The following PRDM11 variants were observed in gnomAD, a reference collection of about 807,000 sequenced individuals.
PRDM11 encodes the protein PR/SET domain 11, also known as PR domain-containing protein 11.
Under a neutral mutation model 97.8 loss-of-function variants are expected in PRDM11, and 20 were observed. The observed-to-expected ratio is 0.20, with a 90% confidence interval of 0.14 to 0.30. PRDM11 has a LOEUF of 0.30. Among genes scored for constraint, PRDM11 ranks in the 10% least tolerant of loss-of-function variants. The pLI, the probability that PRDM11 is intolerant of heterozygous loss-of-function variation, is 1.00. For synonymous variants in PRDM11, 599 were observed against 637.7 expected, an observed-to-expected ratio of 0.94 and a Z score of 0.91; for missense variants, 1,139 against 1,555.2, an observed-to-expected ratio of 0.73 and a Z score of 4.50.
intron 1 of PRDM11, chr11:45,147,287 C>CGGACG (rs1554967043): frequency 6.7e-6 from 1 of 149,436 alleles, no homozygotes; most frequent in African/African-American, 2.5e-5. Flanking sequence ...CGCGGTGACA[C>CGGACG]GGACGGGGCG....
intron 1 of PRDM11, among the ~76,000 whole-genome samples, chr11:45,116,609 C>G (rs1852308606): frequency 6.6e-6 from 1 of 152,076 alleles, no homozygotes; most frequent in Non-Finnish European, 1.5e-5. Flanking sequence ...GAAAATATAT[C>G]TCAAAATGAG....
At chr11:45,135,245 T>TAAGGC (rs1852817112) in intron 1 of PRDM11, among the ~76,000 whole-genome samples, 1 of 152,214 alleles carries the variant, frequency 6.6e-6, no homozygotes, top group African/African-American at 2.4e-5. Context: ...AAACCTGCCT[T>TAAGGC]AGCAAACAAG....
chr11:45,162,096 T>A (rs1256833484), intron 1 of PRDM11, among the ~76,000 whole-genome samples: 1 of 152,222 alleles, frequency 6.6e-6, no homozygotes, highest in African/African-American at 2.4e-5. Flanking sequence ...TTGGGATTAT[T>A]TCCTAAGAGG....
At chr11:45,209,288 G>A (rs570090768) in intron 5 of PRDM11, 3 of 362,700 alleles carry the variant, frequency 8.3e-6, no homozygotes, top group East Asian at 7.4e-5. Flanking sequence ...ACAGCCCTTC[G>A]ACCAGCTGTG....
chr11:45,132,016 AC>A (rs1852732687), intron 1 of PRDM11, among the ~76,000 whole-genome samples: 1 of 152,188 alleles, frequency 6.6e-6, no homozygotes. Context: ...CAGAAAGAGG[AC>A]CATCATCTTC....
chr11:45,136,118 TG>T (rs1307238917), intron 1 of PRDM11, among the ~76,000 whole-genome samples: 1 of 152,234 alleles, frequency 6.6e-6, no homozygotes, highest in African/African-American at 2.4e-5. Flanking sequence ...TAGGGGGAAC[TG>T]GGTACAGGGT....
chr11:45,181,320 T>A (rs960696317), intron 1 of PRDM11, among the ~76,000 whole-genome samples: 38 of 152,304 alleles, frequency 2.5e-4, no homozygotes, highest in African/African-American at 9.1e-4. Context: ...GGTGAGGGGC[T>A]GCCCTGCCAG....
chr11:45,221,603 A>G (rs942948277), intron 6 of PRDM11, among the ~76,000 whole-genome samples: 1 of 152,102 alleles, frequency 6.6e-6, no homozygotes, highest in Non-Finnish European at 1.5e-5. Context: ...GAGCCCCAAG[A>G]CCACAGGGGA....
Position 45,180,234 on chromosome 11 carries a change from G to C in PRDM11, c.-6-1527G>C, listed in dbSNP as rs75809477. On this transcript the variant is annotated intron_variant, in intron 1 of 7. Transcript: ENST00000683152. The stretch of plus-strand genomic sequence containing the variant: ...GGGCCATCCCACAGGCTTTGAGGTC[G>C]GTCGAGCACCCAGCGGGGAGTCCCT... Among the ~76,000 whole-genome samples the C allele has an allele frequency of 3.0e-4, 45 of 152,240 alleles. No homozygotes were observed. The East Asian group carries it at 3.5e-3, about 12-fold the overall frequency.
intron 4 of PRDM11, among the ~76,000 whole-genome samples, chr11:45,183,400 G>A (rs772571508): frequency 6.6e-6 from 1 of 152,196 alleles, no homozygotes; most frequent in African/African-American, 2.4e-5. Flanking sequence ...CCTCATGTGT[G>A]TGTCTGGTGG....
intron 1 of PRDM11, among the ~76,000 whole-genome samples, chr11:45,113,788 TTG>T (rs142584346): frequency 0.017 from 2,350 of 137,178 alleles, 37 homozygotes; most frequent in African/African-American, 0.035. Context: ...TGCTACTGAT[TTG>T]TGTGTGTGTG....
At chr11:45,148,840 C>G (rs1851591088) in intron 1 of PRDM11, among the ~76,000 whole-genome samples, 1 of 152,086 alleles carries the variant, frequency 6.6e-6, no homozygotes, top group Admixed American at 6.5e-5. Context: ...GTCGGGAGTC[C>G]TGCCTGTGGA....
At chr11:45,134,837 C>G (rs923618142) in intron 1 of PRDM11, among the ~76,000 whole-genome samples, 1 of 150,458 alleles carries the variant, frequency 6.6e-6, no homozygotes, top group Non-Finnish European at 1.5e-5. Context: ...CATATTTTAT[C>G]CTAGAAATTC....
At chr11:45,196,734 T>C (rs1465486500) in intron 4 of PRDM11, among the ~76,000 whole-genome samples, 1 of 152,210 alleles carries the variant, frequency 6.6e-6, no homozygotes, top group African/African-American at 2.4e-5. Flanking sequence ...TGGTTGGTCC[T>C]GAGGCTGGTC....
intron 1 of PRDM11, among the ~76,000 whole-genome samples, chr11:45,150,105 C>T (rs542748243): frequency 7.9e-5 from 12 of 152,266 alleles, no homozygotes; most frequent in Admixed American, 7.2e-4. Context: ...CATCTTTTGT[C>T]CCTCCCATTT....
chr11:45,175,874 T>A (rs759385156), intron 1 of PRDM11, among the ~76,000 whole-genome samples: 2 of 152,244 alleles, frequency 1.3e-5, no homozygotes, highest in African/African-American at 2.4e-5. Context: ...GGAGAAATGA[T>A]ATTTATTTGT....
chr11:45,103,572 T>C (rs950388290), intron 1 of PRDM11, among the ~76,000 whole-genome samples: 2 of 151,926 alleles, frequency 1.3e-5, no homozygotes, highest in Non-Finnish European at 2.9e-5. Context: ...GTGTTAACCT[T>C]TGGCAGGGTA....
At chr11:45,220,491 C>T (rs1854090474) in intron 6 of PRDM11, among the ~76,000 whole-genome samples, 1 of 152,192 alleles carries the variant, frequency 6.6e-6, no homozygotes, top group African/African-American at 2.4e-5. Flanking sequence ...CATTCTTTTA[C>T]CCATCTTACA....
intron 1 of PRDM11, among the ~76,000 whole-genome samples, chr11:45,114,848 C>T (rs1333986984): frequency 6.6e-6 from 1 of 151,876 alleles, no homozygotes; most frequent in African/African-American, 2.4e-5. Context: ...ATTATATATC[C>T]AGAAAAAAAT....
Sources: gnomAD v4.1 joint callset for allele counts (sites outside exome capture counted in the v4.1 genomes callset) on GRCh38, gnomAD v4.1.1 for gene constraint, MANE v1.5 for transcripts, NCBI Gene and HGNC (gene_info 2026-07-23, HGNC 2026-07-21) for gene names.